Variants in PCDHGA12 observed in about 807,000 individuals in gnomAD.
PCDHGA12 encodes the protein protocadherin gamma-A12.
A neutral mutation model predicts 61.1 loss-of-function variants in PCDHGA12; 43 were observed. The ratio of observed to expected loss-of-function variants is 0.70; its 90% CI spans 0.55 to 0.91. PCDHGA12 has a LOEUF of 0.91. Ranked by LOEUF, PCDHGA12 falls within the 40% of genes least tolerant of loss-of-function variation. PCDHGA12 has a pLI of 0.00. For synonymous variants in PCDHGA12, 520 were observed against 542.9 expected, an observed-to-expected ratio of 0.96 and a Z score of 0.59; for missense variants, 1,236 against 1,227.7, an observed-to-expected ratio of 1.01 and a Z score of -0.10.
intron 2 of PCDHGA12, among the ~76,000 whole-genome samples, chr5:141,497,501 C>T (rs1268186916): frequency 6.6e-6 from 1 of 151,182 alleles, no homozygotes; most frequent in Non-Finnish European, 1.5e-5. Flanking sequence ...TCTCTCCTCT[C>T]TCTGCTTCCT....
At chr5:141,480,649 C>A (rs2099522804) in intron 1 of PCDHGA12, among the ~76,000 whole-genome samples, 1 of 152,184 alleles carries the variant, frequency 6.6e-6, no homozygotes, top group Non-Finnish European at 1.5e-5. Flanking sequence ...AACTTGGTTG[C>A]ACATTAAAAT....
Position 141,432,084 on chromosome 5 carries a change from TG to T in PCDHGA12, c.1327del (p.Ala443GlnfsTer32). 6.2e-7 allele frequency: 1 copy of T among 1,614,186 alleles called. No homozygotes were observed. Among genetic ancestry groups the T allele is most frequent in the Non-Finnish European group, 8.5e-7 (1 of 1,180,034 alleles). ...ACGGAAACTCATATCTCGCTGAACG[TG>T]GCAGACACCAACGACAACCCGCCGG... ...LSTETHISLN[V>X]ADTNDNPPVF... is the part of the protein sequence containing the mutation. On this transcript the variant is annotated frameshift_variant, in exon 1 of 4. Transcript: ENST00000252085. LOFTEE classifies it high-confidence loss of function. The surrounding 1 kb of genome is among the most constrained non-coding windows in gnomAD (Gnocchi z 6.0).
intron 1 of PCDHGA12, among the ~76,000 whole-genome samples, chr5:141,444,152 ATTTTTTTTTTTTTTTTTTTTTT>A (rs747671382): frequency 8.9e-5 from 3 of 33,882 alleles, no homozygotes; most frequent in East Asian, 1.0e-3. Flanking sequence ...TGTGTACTGG[ATTTTTTTTTTTTTTTTTTTTTT>A]TTTTTTTTTT....
At chr5:141,465,152 G>C (rs1028596804) in intron 1 of PCDHGA12, among the ~76,000 whole-genome samples, 1 of 151,422 alleles carries the variant, frequency 6.6e-6, no homozygotes, top group African/African-American at 2.4e-5. Flanking sequence ...TATATGAAGG[G>C]ACTCTAAATG....
intron 1 of PCDHGA12, among the ~76,000 whole-genome samples, chr5:141,437,980 C>T (rs1198278358): frequency 1.3e-5 from 2 of 152,050 alleles, no homozygotes; most frequent in Non-Finnish European, 2.9e-5. Flanking sequence ...TTGGGATGCA[C>T]CCACCCCACC....
At position 141,476,477 on chromosome 5, in the gene PCDHGA12, G is replaced by A; in HGVS notation, c.2425-18330G>A. 1.2e-6 allele frequency: 2 copies of A among 1,614,078 alleles called. No individual in the cohort carries two copies. Among genetic ancestry groups the A allele is most frequent in the South Asian group, 1.1e-5 (1 of 91,070 alleles). ...GGAGAACCCGCTGGAGCTGTTCAGC[G>A]TGGAAGTGGTGATCCAGGACATCAA... On this transcript the variant is annotated intron_variant, in intron 1 of 3. Transcript: ENST00000252085. This position sits in a 1 kb window ranked among gnomAD's most constrained non-coding sequence, Gnocchi z 7.6.
At position 141,494,852 on chromosome 5, in the gene PCDHGA12, C is replaced by T. The variant is rs755464933; in HGVS notation, c.2470C>T (p.Pro824Ser). ...TDWRFSQAQR[P>S]GTSGSQNGDD... is the part of the protein sequence containing the mutation. Reference sequence around the variant, plus strand: ...CTGGCGTTTCTCTCAGGCCCAGAGACCCGGCACCAGCGGGTAGGTGACTGA... The same window carrying T: ...CTGGCGTTTCTCTCAGGCCCAGAGATCCGGCACCAGCGGGTAGGTGACTGA... The change falls in exon 2 of 4, where the codon CCC (proline) becomes TCC (serine). Residue 824 changes from proline (P) to serine (S), a missense_variant. Coordinates refer to ENST00000252085, the MANE Select transcript of PCDHGA12 (RefSeq NM_003735.3). 6 of 1,614,042 alleles carry T rather than the reference C, an allele frequency of 3.7e-6. No homozygotes were observed. Among genetic ancestry groups the T allele is most frequent in the Admixed American group, 1.7e-5 (1 of 60,000 alleles).
At chr5:141,480,046 A>G (rs919527311) in intron 1 of PCDHGA12, among the ~76,000 whole-genome samples, 1 of 152,206 alleles carries the variant, frequency 6.6e-6, no homozygotes, top group Non-Finnish European at 1.5e-5. Context: ...ATATGCAAAA[A>G]GGGAATAATA....
At chr5:141,459,218 C>T (rs2098963524) in intron 1 of PCDHGA12, among the ~76,000 whole-genome samples, 1 of 152,220 alleles carries the variant, frequency 6.6e-6, no homozygotes, top group South Asian at 2.1e-4. Context: ...TTCTCCAGCT[C>T]CAGGCAACAA....
rs1375121802 is a variant in PCDHGA12 at position 141,432,471 on chromosome 5, G to A, written c.1712G>A (p.Gly571Asp). 2 of 1,614,094 alleles carry A rather than the reference G, an allele frequency of 1.2e-6. No homozygotes were observed. Among genetic ancestry groups the A allele is most frequent in the African/African-American group, 2.7e-5 (2 of 74,946 alleles). ...EILYPALPTD[G>D]STGVELAPRS... ...CTGTACCCCGCCCTCCCCACGGACG[G>A]TTCCACTGGCGTGGAGCTGGCTCCC... is the stretch of plus-strand genomic sequence containing the variant. Residue 571 changes from glycine to aspartate, a missense_variant, in exon 1 of 4, where the codon GGT (glycine) becomes GAT (aspartate). Coordinates refer to ENST00000252085, the MANE Select transcript of PCDHGA12 (RefSeq NM_003735.3). The surrounding 1 kb of genome is among the most constrained non-coding windows in gnomAD (Gnocchi z 6.0).
Position 141,491,686 on chromosome 5 carries a change from C to A in PCDHGA12, c.2425-3121C>A. The A allele has an allele frequency of 6.2e-7, 1 of 1,612,970 alleles. No homozygotes were observed. The highest frequency in any genetic ancestry group is 8.5e-7 in the Non-Finnish European group (1 of 1,179,558). Reference sequence around the variant, plus strand: ...CATCCGGTCCCGCTCTAATACGCTGCGGGAGCGGAGCCAGGTGAGGGGCTC... The same window carrying A: ...CATCCGGTCCCGCTCTAATACGCTGAGGGAGCGGAGCCAGGTGAGGGGCTC... On this transcript the variant is annotated intron_variant, in intron 1 of 3. Coordinates refer to ENST00000252085, the MANE Select transcript of PCDHGA12 (RefSeq NM_003735.3). The surrounding 1 kb of genome is among the most constrained non-coding windows in gnomAD (Gnocchi z 6.9).
In PCDHGA12 at chr5:141,477,772, C is replaced by G. The variant is rs760319541; in HGVS notation, c.2425-17035C>G. The G allele has an allele frequency of 1.5e-5, 25 of 1,613,908 alleles. No homozygotes were observed. Among genetic ancestry groups the G allele is most frequent in the Non-Finnish European group, 2.1e-5 (25 of 1,180,042 alleles). On this transcript the variant is annotated intron_variant, in intron 1 of 3. Coordinates refer to ENST00000252085, the MANE Select transcript of PCDHGA12 (RefSeq NM_003735.3). This position sits in a 1 kb window ranked among gnomAD's most constrained non-coding sequence, Gnocchi z 4.9. Reference sequence around the variant, plus strand: ...CCCCGGTCCTAGCCACCAACATCAGCGTGAACATATTTGTCACTGATCGCA... The same window carrying G: ...CCCCGGTCCTAGCCACCAACATCAGGGTGAACATATTTGTCACTGATCGCA...
chr5:141,473,017 A>AGAAG (rs1484773075), intron 1 of PCDHGA12, among the ~76,000 whole-genome samples: 3 of 151,764 alleles, frequency 2.0e-5, no homozygotes, highest in African/African-American at 4.8e-5. Flanking sequence ...AGAAAAAGAA[A>AGAAG]GAAGGAAGGA....
chr5:141,486,100 C>G lies in PCDHGA12; in HGVS notation c.2425-8707C>G. Reference sequence around the variant, plus strand: ...AGCTTACTCTTTTGGGGCCCCTAGACTTTGAGAGTGAGAATTACTATGAAT... The same window carrying G: ...AGCTTACTCTTTTGGGGCCCCTAGAGTTTGAGAGTGAGAATTACTATGAAT... On this transcript the variant is annotated intron_variant, in intron 1 of 3. Transcript: ENST00000252085. This position sits in a 1 kb window ranked among gnomAD's most constrained non-coding sequence, Gnocchi z 5.0. 1 of 1,614,190 alleles carries G rather than the reference C, an allele frequency of 6.2e-7. No individual in the cohort carries two copies. The highest frequency in any genetic ancestry group is 1.1e-5 in the South Asian group (1 of 91,086).
intron 2 of PCDHGA12, among the ~76,000 whole-genome samples, chr5:141,498,976 GGAAGGAAGGAAGGAA>G (rs1562186940): frequency 1.5e-4 from 2 of 13,010 alleles, no homozygotes; most frequent in Admixed American, 2.9e-3. Context: ...AGGGAGGGAA[GGAAGGAAGGAAGGAA>G]GGAAGGAAGG....
At position 141,489,068 on chromosome 5, in the gene PCDHGA12, G is replaced by GGCCCC; in HGVS notation, c.2425-5739_2425-5738insGCCCC. On this transcript the variant is annotated intron_variant, in intron 1 of 3. Coordinates refer to ENST00000252085, the MANE Select transcript of PCDHGA12 (RefSeq NM_003735.3). This position sits in a 1 kb window ranked among gnomAD's most constrained non-coding sequence, Gnocchi z 4.5. ...CTCAAATTCAGCTCCCCTCCCCCCT[G>GGCCCC]CCCACCCCCGCCACTCGGTGACTAA... 3.4e-6 allele frequency: 1 copy of GGCCCC among 291,558 alleles called. No individual in the cohort carries two copies. 18.1% of individuals were successfully genotyped at this position (291,558 alleles called of 1,614,324 possible). A position where few individuals can be genotyped will look rare whatever the true frequency, so the allele number is the denominator to read the frequency against.
intron 1 of PCDHGA12, among the ~76,000 whole-genome samples, chr5:141,455,290 T>C (rs551962783): frequency 5.3e-5 from 8 of 152,206 alleles, no homozygotes; most frequent in East Asian, 1.9e-4. Flanking sequence ...TCACTTTACA[T>C]AGTTTCATCT....
intron 2 of PCDHGA12, among the ~76,000 whole-genome samples, chr5:141,500,212 ATT>A (rs1336187706): frequency 5.4e-5 from 8 of 148,798 alleles, no homozygotes; most frequent in African/African-American, 2.0e-4. Context: ...TTATTTATTT[ATT>A]TATTTATTTA....
intron 1 of PCDHGA12, among the ~76,000 whole-genome samples, chr5:141,474,243 G>GA (rs1161758975): frequency 2.6e-5 from 4 of 152,050 alleles, no homozygotes; most frequent in Admixed American, 1.3e-4. Context: ...CTGAATAGGG[G>GA]AAAAAAAGAC....
Sources: gnomAD v4.1 joint callset for allele counts (sites outside exome capture counted in the v4.1 genomes callset) on GRCh38, gnomAD v4.1.1 for gene constraint, Gnocchi (gnomAD v3.1) non-coding constraint, MANE v1.5 for transcripts, NCBI Gene and HGNC (gene_info 2026-07-23, HGNC 2026-07-21) for gene names.